JAZF1: variants seen among roughly 807,000 people sequenced by gnomAD.
JAZF1 encodes juxtaposed with another zinc finger protein 1.
Under a neutral mutation model 26.4 loss-of-function variants are expected in JAZF1, and 8 were observed. The observed-to-expected ratio is 0.30, with a 90% CI of 0.18 to 0.55. The LOEUF is 0.55. Among genes scored for constraint, JAZF1 ranks in the 20% least tolerant of loss-of-function variants. JAZF1 has a pLI of 0.94. For missense variants in JAZF1, 199 were observed against 322.0 expected, an observed-to-expected ratio of 0.62 and a Z score of 2.92; for synonymous variants, 126 against 122.3, an observed-to-expected ratio of 1.03 and a Z score of -0.20.
At chr7:27,888,026 G>A (rs1583448709) in intron 3 of JAZF1, among the ~76,000 whole-genome samples, 1 of 152,166 alleles carries the variant, frequency 6.6e-6, no homozygotes, top group Non-Finnish European at 1.5e-5. Flanking sequence ...CTGTAGGCCA[G>A]GAAAGGGTCT....
rs562199327 is a variant in JAZF1, at chr7:27,905,313, T to C, written c.189-9897A>G. Among the ~76,000 whole-genome samples, 7 of 133,518 alleles carry C rather than the reference T, an allele frequency of 5.2e-5. No individual in the cohort carries two copies. The South Asian group carries it at 1.8e-3, about 34-fold the overall frequency. The allele number at this position is 133,518 out of a possible 152,430, so 87.6% of individuals were successfully genotyped here. ...TATATATGACATATATGGAAGGATA[T>C]AGTTCCCGGTCTTTGGAGAATTCTA... On this transcript the variant is annotated intron_variant, in intron 2 of 4. Coordinates refer to ENST00000283928, the MANE Select transcript of JAZF1 (RefSeq NM_175061.4).
At chr7:28,018,656 G>T (rs1481651268) in intron 1 of JAZF1, among the ~76,000 whole-genome samples, 1 of 152,114 alleles carries the variant, frequency 6.6e-6, no homozygotes, top group Non-Finnish European at 1.5e-5. Flanking sequence ...GATATGCTCT[G>T]TACCAGTCAC....
At chr7:27,923,656 C>T (rs997344482) in intron 2 of JAZF1, among the ~76,000 whole-genome samples, 1 of 152,048 alleles carries the variant, frequency 6.6e-6, no homozygotes, top group Non-Finnish European at 1.5e-5. Context: ...CCCCCTGCAG[C>T]CCCCCAGCCC....
In JAZF1 at chr7:27,944,985, C is replaced by T. The variant is rs543850846; in HGVS notation, c.188+46924G>A. Reference sequence around the variant, plus strand: ...GTGACTGGTAATACATTTCGGAGTTCGAGAAATAATCCTTGACACCTCCCC... The same window carrying T: ...GTGACTGGTAATACATTTCGGAGTTTGAGAAATAATCCTTGACACCTCCCC... On this transcript the variant is annotated intron_variant, in intron 2 of 4. Transcript: ENST00000283928. Among the ~76,000 whole-genome samples, 17 of 152,138 alleles carry T rather than the reference C, an allele frequency of 1.1e-4. No homozygotes were observed. In the South Asian group the frequency reaches 2.1e-3, roughly 19 times the overall value.
chr7:28,149,509 T>C (rs1226695239), intron 1 of JAZF1, among the ~76,000 whole-genome samples: 1 of 152,056 alleles, frequency 6.6e-6, no homozygotes, highest in Non-Finnish European at 1.5e-5. Context: ...GACCCTGTCT[T>C]TTTGGGCTAT....
chr7:27,837,050 GACACTGTATCTGGA>G (rs1181219651), intron 4 of JAZF1, among the ~76,000 whole-genome samples: 5 of 152,062 alleles, frequency 3.3e-5, no homozygotes, highest in African/African-American at 7.2e-5. Context: ...TTGAAAATGG[GACACTGTATCTGGA>G]TCTGTCTCTG....
At chr7:27,950,169 T>C (rs1362422592) in intron 2 of JAZF1, among the ~76,000 whole-genome samples, 1 of 152,230 alleles carries the variant, frequency 6.6e-6, no homozygotes, top group Non-Finnish European at 1.5e-5. Context: ...ACTATGTATA[T>C]CAAAATATTT....
At chr7:27,906,987 A>G (rs1320103018) in intron 2 of JAZF1, among the ~76,000 whole-genome samples, 1 of 152,218 alleles carries the variant, frequency 6.6e-6, no homozygotes, top group African/African-American at 2.4e-5. Flanking sequence ...TTTCACTGTA[A>G]GCTGCTAATG....
intron 2 of JAZF1, among the ~76,000 whole-genome samples, chr7:27,947,224 T>C (rs1435399857): frequency 6.6e-6 from 1 of 152,228 alleles, no homozygotes; most frequent in African/African-American, 2.4e-5. Flanking sequence ...TTTTGTTCCT[T>C]TCTAGCAGAT....
At chr7:27,939,491 C>T (rs1170519740) in intron 2 of JAZF1, among the ~76,000 whole-genome samples, 6 of 152,214 alleles carry the variant, frequency 3.9e-5, no homozygotes, top group Non-Finnish European at 8.8e-5. Flanking sequence ...GCCCCTGGAT[C>T]TGGAGAGAAG....
intron 3 of JAZF1, among the ~76,000 whole-genome samples, chr7:27,845,711 A>AAGAGAG (rs57559915): frequency 7.3e-6 from 1 of 137,672 alleles, no homozygotes; most frequent in Non-Finnish European, 1.5e-5. Flanking sequence ...AAAAAAAAAA[A>AAGAGAG]AAAGAAAAGA....
chr7:27,913,036 T>C (rs537887115), intron 2 of JAZF1, among the ~76,000 whole-genome samples: 2 of 152,164 alleles, frequency 1.3e-5, no homozygotes, highest in African/African-American at 2.4e-5. Flanking sequence ...TGAGGAGACA[T>C]TGTATCTTTC....
intron 2 of JAZF1, among the ~76,000 whole-genome samples, chr7:27,935,260 G>A (rs1483549192): frequency 6.6e-6 from 1 of 152,182 alleles, no homozygotes; most frequent in African/African-American, 2.4e-5. Context: ...AATGTTAAAC[G>A]GTGCAGCTGC....
intron 1 of JAZF1, among the ~76,000 whole-genome samples, chr7:28,019,173 A>T (rs550108460): frequency 6.6e-6 from 1 of 152,262 alleles, no homozygotes; most frequent in East Asian, 1.9e-4. Context: ...TTTCCCTACC[A>T]AATCTTTCCA....
chr7:27,971,346 G>A (rs111461835), intron 2 of JAZF1, among the ~76,000 whole-genome samples: 7 of 152,282 alleles, frequency 4.6e-5, no homozygotes, highest in African/African-American at 1.7e-4. Flanking sequence ...GCCTTACAGG[G>A]GATATGCCGC....
At chr7:28,127,959 A>G (rs1048353821) in intron 1 of JAZF1, among the ~76,000 whole-genome samples, 4 of 151,878 alleles carry the variant, frequency 2.6e-5, no homozygotes, top group African/African-American at 4.8e-5. Context: ...CCCACAACAC[A>G]TGGGGATTAT....
At chr7:28,179,360 G>A (rs775038114) in intron 1 of JAZF1, among the ~76,000 whole-genome samples, 1 of 152,200 alleles carries the variant, frequency 6.6e-6, no homozygotes, top group Non-Finnish European at 1.5e-5. Context: ...CAAATCAGAG[G>A]ACTTGTTGAA....
chr7:28,158,833 T>A (rs1344893259), intron 1 of JAZF1, among the ~76,000 whole-genome samples: 1 of 152,190 alleles, frequency 6.6e-6, no homozygotes, highest in African/African-American at 2.4e-5. Context: ...TAGACTGGGC[T>A]TAATGATGTC....
At chr7:27,883,156 T>A (rs1358928787) in intron 3 of JAZF1, among the ~76,000 whole-genome samples, 6 of 152,152 alleles carry the variant, frequency 3.9e-5, no homozygotes, top group African/African-American at 1.4e-4. Context: ...GGAGACAGGG[T>A]GTGAACAGCA....
Sources: allele counts gnomAD v4.1 joint callset (sites outside exome capture counted in the v4.1 genomes callset), GRCh38; gene constraint gnomAD v4.1.1; transcripts MANE v1.5; gene names NCBI Gene and HGNC (gene_info 2026-07-23, HGNC 2026-07-21).